TOX2: variants seen among roughly 807,000 people sequenced by gnomAD.
TOX2 encodes the protein TOX high mobility group box family member 2, also known as granulosa cell HMG box 1.
A neutral mutation model predicts 47.4 loss-of-function variants in TOX2; 15 were observed. The ratio of observed to expected loss-of-function variants is 0.32; its 90% CI spans 0.21 to 0.49. The LOEUF (loss-of-function observed/expected upper bound fraction) is 0.49, where lower values mean the gene tolerates loss of function less well. TOX2 is among the 20% of genes least tolerant of loss of function. The pLI is 0.99. For synonymous variants in TOX2, 290 were observed against 296.6 expected (o/e 0.98, Z 0.23); for missense variants, 622 against 673.1 (o/e 0.92, Z 0.84).
At chr20:43,946,761 T>A (rs1462810531) in intron 1 of TOX2, among the ~76,000 whole-genome samples, 2 of 151,892 alleles carry the variant, frequency 1.3e-5, no homozygotes, top group Admixed American at 6.5e-5. Flanking sequence ...AAACCTAACG[T>A]GAAGGGGCCA....
chr20:44,045,756 G>A (rs1395620295), intron 3 of TOX2, among the ~76,000 whole-genome samples: 1 of 152,170 alleles, frequency 6.6e-6, no homozygotes, highest in East Asian at 1.9e-4. Flanking sequence ...TAGCAGGTTT[G>A]CAAAACTTCA....
At chr20:43,931,144 T>C (rs187846128) in intron 1 of TOX2, among the ~76,000 whole-genome samples, 11 of 152,256 alleles carry the variant, frequency 7.2e-5, no homozygotes, top group Non-Finnish European at 1.2e-4. Flanking sequence ...TCTTTTATGT[T>C]TTTTTTCTTT....
chr20:44,017,399 C>T (rs1385880936), intron 3 of TOX2, among the ~76,000 whole-genome samples: 1 of 152,130 alleles, frequency 6.6e-6, no homozygotes, highest in South Asian at 2.1e-4. Context: ...TTGGTGTCAA[C>T]CCGGCTTTCC....
Position 44,006,638 on chromosome 20 carries a change from G to A in TOX2, c.257G>A (p.Gly86Glu). Residue 86 changes from glycine (G) to glutamate (E), a missense_variant, in exon 3 of 9, where the codon GGG (glycine) becomes GAG (glutamate). Transcript: ENST00000341197. The stretch of plus-strand genomic sequence containing the variant: ...CCGGAGCCATCCCTCCTGCACCTGG[G>A]GGACCACGAAGCCAGCTACCACTCG... ...NLPEPSLLHL[G>E]DHEASYHSLC... The A allele has an allele frequency of 6.2e-7, 1 of 1,614,072 alleles. No homozygotes were observed. The highest frequency in any genetic ancestry group is 1.1e-5 in the South Asian group (1 of 91,076).
chr20:44,039,053 T>C (rs2071288293), intron 3 of TOX2: 1 of 1,267,564 alleles, frequency 7.9e-7, no homozygotes, highest in African/African-American at 1.5e-5. Flanking sequence ...CCCAGACATC[T>C]CATGAGTGCC....
chr20:43,917,011 A>G (rs546154835), intron 1 of TOX2, among the ~76,000 whole-genome samples: 34 of 146,756 alleles, frequency 2.3e-4, no homozygotes, highest in Non-Finnish European at 5.1e-4. Context: ...TCTGTGTGGG[A>G]TGTAGGACCC....
intron 1 of TOX2, among the ~76,000 whole-genome samples, chr20:43,950,229 T>G (rs1221788650): frequency 6.6e-6 from 1 of 152,018 alleles, no homozygotes; most frequent in Non-Finnish European, 1.5e-5. Flanking sequence ...ATAGCAGCCA[T>G]CGGGGCAACC....
At position 43,952,228 on chromosome 20, in the gene TOX2, G is replaced by A. The variant is rs114899294; in HGVS notation, c.100-21139G>A. 6.1e-3 allele frequency among the ~76,000 whole-genome samples: 921 copies of A among 151,958 alleles called. 10 individuals carry two copies. Among genetic ancestry groups the A allele is most frequent in the African/African-American group, 0.022 (891 of 41,430 alleles). On this transcript the variant is annotated intron_variant, in intron 1 of 8. Transcript: ENST00000341197. ...AAAGTAATTTTTTTTTCTAAGAGAC[G>A]GGGCCTTGCTATGTTGCTCAGGCTG...
At chr20:44,060,313 C>G (rs1043326498) in intron 5 of TOX2, among the ~76,000 whole-genome samples, 16 of 152,114 alleles carry the variant, frequency 1.1e-4, no homozygotes, top group African/African-American at 3.9e-4. Context: ...TAGCGGGAAA[C>G]TTCAATACTC....
At chr20:44,053,287 C>T (rs1569138666) in intron 4 of TOX2, among the ~76,000 whole-genome samples, 1 of 152,128 alleles carries the variant, frequency 6.6e-6, no homozygotes, top group African/African-American at 2.4e-5. Flanking sequence ...CAGTAACAGT[C>T]GCTTTAGCCT....
chr20:44,020,665 T>C (rs1339695443), intron 3 of TOX2, among the ~76,000 whole-genome samples: 1 of 152,090 alleles, frequency 6.6e-6, no homozygotes, highest in African/African-American at 2.4e-5. Context: ...AGATGCAGAT[T>C]CTCAGGCCCC....
chr20:43,939,459 C>T (rs1448674036), intron 1 of TOX2, among the ~76,000 whole-genome samples: 3 of 152,158 alleles, frequency 2.0e-5, no homozygotes, highest in Admixed American at 6.5e-5. Context: ...CCACTGCACT[C>T]AAAGTACAGT....
chr20:43,983,745 G>A (rs2070212006), intron 2 of TOX2, among the ~76,000 whole-genome samples: 1 of 152,154 alleles, frequency 6.6e-6, no homozygotes. Context: ...CACCTCCTTA[G>A]GCTCAGGCTC....
At position 44,015,852 on chromosome 20, in the gene TOX2, G is replaced by A. The variant is rs1490847099; in HGVS notation, c.411+9060G>A. 6.6e-5 allele frequency among the ~76,000 whole-genome samples: 10 copies of A among 152,034 alleles called. No individual in the cohort carries two copies. The East Asian group carries it at 9.6e-4, about 15-fold the overall frequency. On this transcript the variant is annotated intron_variant, in intron 3 of 8. Transcript: ENST00000341197. ...CTACAGTAGTTAAGAATCTGTCGGC[G>A]TTCTTTAGTTTAAAAATGGTTTTTG... is the stretch of plus-strand genomic sequence containing the variant.
At chr20:44,068,507 T>A in intron 8 of TOX2, 143 bp from the exon 9 acceptor site, 82 of 781,268 alleles carry the variant, frequency 1.0e-4, no homozygotes, top group East Asian at 1.6e-4. Context: ...GGGGTGGGAC[T>A]TGCAGATGCA....
At position 43,916,268 on chromosome 20, in the gene TOX2, G is replaced by C; in HGVS notation, c.99+1278G>C. The C allele has an allele frequency of 4.1e-6, 4 of 978,266 alleles. No individual in the cohort carries two copies. Among genetic ancestry groups the C allele is most frequent in the South Asian group, 9.5e-5 (2 of 21,136 alleles). 60.6% of individuals were successfully genotyped at this position (978,266 alleles called of 1,614,324 possible). On this transcript the variant is annotated intron_variant, in intron 1 of 8. Coordinates refer to ENST00000341197, the MANE Select transcript of TOX2 (RefSeq NM_001098797.2). This position sits in a 1 kb window ranked among gnomAD's most constrained non-coding sequence, Gnocchi z 5.0. ...CCAGGGTCTCTCCCCAACCTCGCAG[G>C]CTTTTCGTCAGGCCCCTGGTAGTGG... is the stretch of plus-strand genomic sequence containing the variant.
At position 43,915,256 on chromosome 20, in the gene TOX2, G is replaced by A. The variant is rs960847784; in HGVS notation, c.99+266G>A. Among the ~76,000 whole-genome samples the A allele has an allele frequency of 1.3e-5, 2 of 152,080 alleles. No homozygotes were observed. The highest frequency in any genetic ancestry group is 2.9e-5 in the Non-Finnish European group (2 of 68,004). On this transcript the variant is annotated intron_variant, in intron 1 of 8. Transcript: ENST00000341197. The surrounding 1 kb of genome is among the most constrained non-coding windows in gnomAD (Gnocchi z 7.1). ...ACAGCCTCGCAGTCATTCACAAGCCGTCACAGTGACCCACAGCCACACGCA... is the reference window on the plus strand; with the variant it reads ...ACAGCCTCGCAGTCATTCACAAGCCATCACAGTGACCCACAGCCACACGCA...
chr20:44,050,504 A>G (rs2071490487), intron 3 of TOX2, among the ~76,000 whole-genome samples: 1 of 152,222 alleles, frequency 6.6e-6, no homozygotes, highest in Non-Finnish European at 1.5e-5. Context: ...GCAAATAGGT[A>G]TGCTTCACTC....
chr20:43,958,530 C>A (rs1022385811), intron 1 of TOX2, among the ~76,000 whole-genome samples: 3 of 152,208 alleles, frequency 2.0e-5, no homozygotes, highest in Non-Finnish European at 4.4e-5. Context: ...TGCTTTATCA[C>A]CCCCCTCCAG....
Sources: gnomAD v4.1 joint callset for allele counts (sites outside exome capture counted in the v4.1 genomes callset) on GRCh38, gnomAD v4.1.1 for gene constraint, Gnocchi (gnomAD v3.1) non-coding constraint, MANE v1.5 for transcripts, NCBI Gene and HGNC (gene_info 2026-07-23, HGNC 2026-07-21) for gene names.